Variants in IFI44 observed in about 807,000 individuals in gnomAD.
IFI44 encodes interferon-induced protein 44.
A neutral mutation model predicts 45.0 loss-of-function variants in IFI44; 42 were observed. That is an observed-to-expected ratio of 0.93 (90% confidence interval 0.73 to 1.21). The LOEUF is 1.21. Among genes scored for constraint, IFI44 ranks in the 50% most tolerant of loss-of-function variants. IFI44 has a pLI of 0.00. For synonymous variants in IFI44, 221 were observed against 188.6 expected (o/e 1.17, Z -1.41); for missense variants, 623 against 525.8 (o/e 1.18, Z -1.81).
At chr1:78,654,984 C>A (rs768217606) in intron 3 of IFI44, 30 bp from the exon 4 acceptor site, 4 of 1,480,028 alleles carry the variant, frequency 2.7e-6, no homozygotes, top group South Asian at 2.9e-5. Flanking sequence ...TAACCTCAGT[C>A]AATTGTTAAA....
chr1:78,663,170 C>T, intron 8 of IFI44: 1 of 985,178 alleles, frequency 1.0e-6, no homozygotes, highest in East Asian at 1.1e-4. Flanking sequence ...CAAGCTGTAT[C>T]CCTGGCCTCT....
intron 5 of IFI44, among the ~76,000 whole-genome samples, chr1:78,658,118 T>C (rs951341311): frequency 7.2e-5 from 11 of 152,088 alleles, no homozygotes; most frequent in African/African-American, 2.7e-4. Flanking sequence ...TAAAACTTCT[T>C]ATTCAAATTC....
intron 8 of IFI44, chr1:78,663,339 C>T (rs1647581238): frequency 1.0e-6 from 1 of 985,202 alleles, no homozygotes; most frequent in African/African-American, 1.7e-5. Context: ...ATCTTAGTCC[C>T]TCTTCATGCA....
chr1:78,663,573 G>T (rs1647594575), intron 8 of IFI44, 192 bp from the exon 9 acceptor site: 1 of 985,074 alleles, frequency 1.0e-6, no homozygotes, highest in African/African-American at 1.7e-5. Context: ...CAAATTGCTG[G>T]GAAACTCTCA....
rs1449070816 is a variant in IFI44, at chr1:78,660,557, T to G, written c.1016T>G (p.Val339Gly). 2 of 1,610,526 alleles carry G rather than the reference T, an allele frequency of 1.2e-6. No individual in the cohort carries two copies. The highest frequency in any genetic ancestry group is 3.3e-5 in the Admixed American group (2 of 59,932). The part of the protein sequence containing the change: ...RIRRELVNAG[V>G]VHVALLTHVD... The stretch of plus-strand genomic sequence containing the variant: ...TAAAAAATTCTGTTTGGCATAGGTG[T>G]GGTACATGTGGCTTTGCTCACTCAT... Residue 339 changes from valine (V) to glycine (G), a missense_variant, in exon 7 of 9, where the codon GTG becomes GGG. By Grantham distance (109) the Val-to-Gly change is moderately radical. Transcript: ENST00000370747.
chr1:78,663,400 A>G (rs937062793), intron 8 of IFI44: 23 of 985,184 alleles, frequency 2.3e-5, no homozygotes, highest in Non-Finnish European at 2.7e-5. Flanking sequence ...TGGCCACCGC[A>G]TTTAGTATTA....
Position 78,650,452 on chromosome 1 carries a change from A to T in IFI44, c.257A>T (p.Lys86Ile). The T allele has an allele frequency of 6.2e-7, 1 of 1,614,090 alleles. No individual in the cohort carries two copies. The highest frequency in any genetic ancestry group is 8.5e-7 in the Non-Finnish European group (1 of 1,179,960). ...SIILFALQDT[K>I]ISEWKLGLCT... The stretch of plus-strand genomic sequence containing the variant: ...ATCCTTTTTGCACTTCAAGATACTA[A>T]AATTTCAGAATGGAAACTAGGACTA... The change falls in exon 2 of 9, where the codon AAA (lysine) becomes ATA (isoleucine). Residue 86 changes from lysine to isoleucine, a missense_variant. Physicochemically the swap from Lys to Ile is moderately radical, Grantham distance 102. Coordinates refer to ENST00000370747, the MANE Select transcript of IFI44 (RefSeq NM_006417.5).
chr1:78,655,472 A>G lies in IFI44; in HGVS notation c.801A>G (p.Ile267Met), dbSNP rs1647192418. The change falls in exon 5 of 9, where the codon ATA (isoleucine) becomes ATG (methionine). Residue 267 changes from isoleucine (I) to methionine (M), a missense_variant. Coordinates refer to ENST00000370747, the MANE Select transcript of IFI44 (RefSeq NM_006417.5). ...EKEGGLCRDD[I>M]FYILNGNIRD... ...AAGGCGGCCTGTGCAGGGATGACAT[A>G]TTCTATATCTTGAACGGTAACATTC... The G allele has an allele frequency of 6.2e-6, 10 of 1,613,622 alleles. No homozygotes were observed. The highest frequency in any genetic ancestry group is 8.5e-6 in the Non-Finnish European group (10 of 1,179,772).
In IFI44 at chr1:78,663,910, A is replaced by G. The variant is rs968634857; in HGVS notation, c.*99A>G. The stretch of plus-strand genomic sequence containing the variant: ...AAGAGAAGTATCTAAGACCAAAGGG[A>G]TGTGTTTTATTAATGTCTAGGATGA... On this transcript the variant is annotated 3_prime_UTR_variant, in exon 9 of 9. Transcript: ENST00000370747. 9.2e-7 allele frequency: 1 copy of G among 1,081,630 alleles called. No individual in the cohort carries two copies. The highest frequency in any genetic ancestry group is 2.6e-5 in the Admixed American group (1 of 38,468). 67.0% of individuals were successfully genotyped at this position (1,081,630 alleles called of 1,614,324 possible).
In IFI44 at chr1:78,655,065, C is replaced by T; in HGVS notation, c.546C>T (p.Ser182=). 5.0e-6 allele frequency: 8 copies of T among 1,613,788 alleles called. No individual in the cohort carries two copies. Among genetic ancestry groups the T allele is most frequent in the Non-Finnish European group, 6.8e-6 (8 of 1,179,816 alleles). The change falls in exon 4 of 9, where the codon TCC becomes TCT. Residue 182 remains serine (S), a synonymous_variant. Transcript: ENST00000370747. ...TGAGAACTTATGAACCATATGGATC[C>T]CTGGTTCAACAAATACGAATTCTGC... ...SALRTYEPYG[S]LVQQIRILLL...
At chr1:78,656,483 G>A (rs973163457) in intron 5 of IFI44, among the ~76,000 whole-genome samples, 1 of 152,048 alleles carries the variant, frequency 6.6e-6, no homozygotes, top group African/African-American at 2.4e-5. Context: ...TTCTATTGAT[G>A]TAGTGATCTA....
At chr1:78,659,113 G>A (rs927002050) in intron 5 of IFI44, among the ~76,000 whole-genome samples, 199 bp from the exon 6 acceptor site, 1 of 151,976 alleles carries the variant, frequency 6.6e-6, no homozygotes, top group African/African-American at 2.4e-5. Flanking sequence ...TTTCCTCACA[G>A]AGGCCTTACT....
At chr1:78,650,045 A>AT (rs373260648) in intron 1 of IFI44, 140 bp downstream of exon 1, 22 of 470,976 alleles carry the variant, frequency 4.7e-5, no homozygotes, top group East Asian at 3.3e-4. Context: ...TTAGCTAATG[A>AT]TTTTTTTGCT....
In IFI44 at chr1:78,650,614, C is replaced by T. The variant is rs771770749; in HGVS notation, c.419C>T (p.Thr140Ile). ...AATCTTGGACTTGCTCAAAATTGTA[C>T]TATCTCTATTCAGGATTATGAAGTT... ...MENLGLAQNC[T>I]ISIQDYEVFR... The change falls in exon 2 of 9, where the codon ACT (threonine) becomes ATT (isoleucine). Residue 140 changes from threonine (T) to isoleucine (I), a missense_variant. Thr to Ile is a moderately conservative substitution (Grantham distance 89). Coordinates refer to ENST00000370747, the MANE Select transcript of IFI44 (RefSeq NM_006417.5). The T allele has an allele frequency of 2.5e-6, 4 of 1,607,392 alleles. No homozygotes were observed. In the South Asian group the frequency reaches 4.5e-5, roughly 18 times the overall value.
At chr1:78,654,093 C>A in intron 2 of IFI44, 150 bp from the exon 3 acceptor site, 2 of 635,090 alleles carry the variant, frequency 3.1e-6, no homozygotes, top group East Asian at 2.8e-5. Flanking sequence ...ATTTGCTCTA[C>A]AAAATTGCTC....
At chr1:78,657,635 C>A (rs1018672828) in intron 5 of IFI44, among the ~76,000 whole-genome samples, 1 of 152,102 alleles carries the variant, frequency 6.6e-6, no homozygotes, top group Non-Finnish European at 1.5e-5. Context: ...AGGAAGCTTA[C>A]CCTCATCCAT....
chr1:78,655,259 T>G lies in IFI44; in HGVS notation c.690+50T>G, dbSNP rs763623445. 47 of 1,575,016 alleles carry G rather than the reference T, an allele frequency of 3.0e-5. No individual in the cohort carries two copies. The East Asian group carries it at 1.1e-3, about 35-fold the overall frequency. Reference sequence around the variant, plus strand: ...CCTTTGCTTCTCTGTTCAAATCAATTATATTTCAAAAGCCTTTTGCAGATC... The same window carrying G: ...CCTTTGCTTCTCTGTTCAAATCAATGATATTTCAAAAGCCTTTTGCAGATC... On this transcript the variant is annotated intron_variant, in intron 4 of 8. Transcript: ENST00000370747.
At chr1:78,657,478 T>C (rs988882249) in intron 5 of IFI44, among the ~76,000 whole-genome samples, 28 of 152,130 alleles carry the variant, frequency 1.8e-4, no homozygotes, top group African/African-American at 6.5e-4. Flanking sequence ...TAGATTGTGT[T>C]GTATTATATG....
chr1:78,654,185 C>A, intron 2 of IFI44, 58 bp from the exon 3 acceptor site: 1 of 895,230 alleles, frequency 1.1e-6, no homozygotes, highest in Non-Finnish European at 1.9e-6. Context: ...TTCATTCATT[C>A]ATTCAGCCAA....
Sources: gnomAD v4.1 joint callset for allele counts (sites outside exome capture counted in the v4.1 genomes callset) on GRCh38, gnomAD v4.1.1 for gene constraint, MANE v1.5 for transcripts, NCBI Gene and HGNC (gene_info 2026-07-23, HGNC 2026-07-21) for gene names.